The following IGF2R variants were observed in gnomAD, a reference collection of about 807,000 sequenced individuals.
IGF2R encodes cation-independent mannose-6-phosphate receptor.
In IGF2R, 91 loss-of-function variants were observed where a neutral mutation model predicts 270.6. That is an observed-to-expected ratio of 0.34 (90% confidence interval 0.28 to 0.40). The LOEUF is 0.40. Ranked by LOEUF, IGF2R falls within the 10% of genes least tolerant of loss-of-function variation. The pLI is 1.00. For missense variants in IGF2R, 2,805 were observed against 3,188.3 expected (o/e 0.88, Z 2.90); for synonymous variants, 1,316 against 1,258.9 (o/e 1.05, Z -0.96).
chr6:160,047,970 T>A, intron 17 of IGF2R, 63 bp downstream of exon 17: 2 of 1,071,454 alleles, frequency 1.9e-6, no homozygotes, highest in Non-Finnish European at 2.9e-6. Context: ...CAAGTGTTGC[T>A]GGTGAGCGTG....
At chr6:160,086,954 A>G (rs1256840961) in intron 41 of IGF2R, among the ~76,000 whole-genome samples, 1 of 151,668 alleles carries the variant, frequency 6.6e-6, no homozygotes, top group Admixed American at 6.6e-5. Context: ...TCATCTGTCC[A>G]TGCAGCCAGG....
intron 45 of IGF2R, among the ~76,000 whole-genome samples, chr6:160,097,238 A>G (rs1264123977): frequency 6.6e-6 from 1 of 152,222 alleles, no homozygotes; most frequent in Non-Finnish European, 1.5e-5. Context: ...GCCGTTTTAT[A>G]CTTTGCCACG....
intron 2 of IGF2R, among the ~76,000 whole-genome samples, chr6:159,991,570 T>C (rs929648702): frequency 2.1e-4 from 32 of 152,198 alleles, no homozygotes; most frequent in Non-Finnish European, 7.3e-5. Flanking sequence ...TATGAAGAAT[T>C]ATGTAGATGT....
At chr6:160,064,580 G>T (rs781509630) in intron 28 of IGF2R, 49 bp downstream of exon 28, 3 of 1,599,316 alleles carry the variant, frequency 1.9e-6, no homozygotes, top group Non-Finnish European at 2.6e-6. Context: ...CCACCCTCAG[G>T]CTGCTGGGAT....
intron 1 of IGF2R, among the ~76,000 whole-genome samples, chr6:159,982,212 C>T (rs929704510): frequency 2.0e-5 from 3 of 152,182 alleles, no homozygotes; most frequent in African/African-American, 4.8e-5. Context: ...AACCCTGCCT[C>T]CTTGCTCCTC....
At chr6:159,983,992 A>G (rs932870307) in intron 1 of IGF2R, among the ~76,000 whole-genome samples, 3 of 152,214 alleles carry the variant, frequency 2.0e-5, no homozygotes, top group Non-Finnish European at 4.4e-5. Flanking sequence ...GGGAGTATAG[A>G]GTAGCAGAAG....
chr6:160,078,094 G>C (rs748127698), intron 36 of IGF2R, 107 bp from the exon 37 acceptor site: 211 of 1,092,850 alleles, frequency 1.9e-4, no homozygotes, highest in Non-Finnish European at 2.6e-4. Context: ...CCTTCCCTCT[G>C]AGAGGCCGCT....
intron 19 of IGF2R, among the ~76,000 whole-genome samples, 166 bp from the exon 20 acceptor site, chr6:160,056,258 A>G (rs1439215619): frequency 6.6e-6 from 1 of 152,240 alleles, no homozygotes; most frequent in Non-Finnish European, 1.5e-5. Flanking sequence ...GAATGAGAAC[A>G]TTAAATTCTA....
rs1438696654 is a variant in IGF2R at position 160,111,076 on chromosome 6, A to C, written c.*5992A>C. 6.6e-6 allele frequency: 1 copy of C among 152,192 alleles called. No homozygotes were observed. The highest frequency in any genetic ancestry group is 6.5e-5 in the Admixed American group (1 of 15,286). The allele number at this position is 152,192 out of a possible 1,614,324, so 9.4% of individuals were successfully genotyped here. On this transcript the variant is annotated 3_prime_UTR_variant, in exon 48 of 48. Coordinates refer to ENST00000356956, the MANE Select transcript of IGF2R (RefSeq NM_000876.4). ...ATCTTGTGTTCTTTCCCCTCTCCAAATAAAAGGAAATTATTTGAGGTGATG... is the reference window on the plus strand; with the variant it reads ...ATCTTGTGTTCTTTCCCCTCTCCAACTAAAAGGAAATTATTTGAGGTGATG...
chr6:160,061,708 G>GTCA, intron 24 of IGF2R, 45 bp from the exon 25 acceptor site: 1 of 1,613,512 alleles, frequency 6.2e-7, no homozygotes, highest in Non-Finnish European at 8.5e-7. Flanking sequence ...TTGACTCAAG[G>GTCA]TCATCGCCTT....
intron 44 of IGF2R, chr6:160,093,765 GACT>G: frequency 1.3e-6 from 1 of 750,552 alleles, no homozygotes; most frequent in South Asian, 1.4e-5. Context: ...TTTGCTTTTC[GACT>G]ATATGATTTG....
At chr6:159,972,089 G>C (rs1783617486) in intron 1 of IGF2R, among the ~76,000 whole-genome samples, 1 of 152,184 alleles carries the variant, frequency 6.6e-6, no homozygotes, top group Non-Finnish European at 1.5e-5. Context: ...GTAGCATGTA[G>C]TTGAGGAATA....
chr6:159,992,767 T>C (rs1783998948), intron 2 of IGF2R, among the ~76,000 whole-genome samples: 1 of 152,154 alleles, frequency 6.6e-6, no homozygotes, highest in African/African-American at 2.4e-5. Flanking sequence ...TTCCTTCAAG[T>C]ATATATTCAG....
At chr6:160,059,185 GCA>G (rs1778378435) in intron 22 of IGF2R, 87 bp downstream of exon 22, 1 of 1,109,378 alleles carries the variant, frequency 9.0e-7, no homozygotes, top group African/African-American at 1.6e-5. Flanking sequence ...TGTAGGATGT[GCA>G]CATCCCCCGC....
rs1441046640 is a variant in IGF2R at position 160,111,235 on chromosome 6, C to CA, written c.*6151_*6152insA. On this transcript the variant is annotated 3_prime_UTR_variant, in exon 48 of 48. Coordinates refer to ENST00000356956, the MANE Select transcript of IGF2R (RefSeq NM_000876.4). Reference sequence around the variant, plus strand: ...TGAACTCTGTGGGTCCACTTACATGCGGTTTTTTTTTTCTGTAAAAGTTAC... The same window carrying CA: ...TGAACTCTGTGGGTCCACTTACATGCAGGTTTTTTTTTTCTGTAAAAGTTAC... The CA allele has an allele frequency of 4.1e-5, 6 of 147,934 alleles. No individual in the cohort carries two copies. The highest frequency in any genetic ancestry group is 1.5e-4 in the African/African-American group (6 of 40,264). The allele number at this position is 147,934 out of a possible 1,614,324, so 9.2% of individuals were successfully genotyped here.
chr6:160,055,182 A>G (rs1778285037), intron 19 of IGF2R, among the ~76,000 whole-genome samples: 1 of 152,048 alleles, frequency 6.6e-6, no homozygotes, highest in African/African-American at 2.4e-5. Flanking sequence ...TTGGTGTTCC[A>G]CGGGGAGATG....
rs889543538 is a variant in IGF2R at position 160,108,250 on chromosome 6, A to G, written c.*3166A>G. Reference sequence around the variant, plus strand: ...CAGTTCTGGACATTGTTCTGTGAGAATGGGGTCAACGGGCAGTCGTGGTGC... The same window carrying G: ...CAGTTCTGGACATTGTTCTGTGAGAGTGGGGTCAACGGGCAGTCGTGGTGC... On this transcript the variant is annotated 3_prime_UTR_variant, in exon 48 of 48. Transcript: ENST00000356956. 1.3e-5 allele frequency: 2 copies of G among 152,380 alleles called. No homozygotes were observed. Among genetic ancestry groups the G allele is most frequent in the Admixed American group, 6.5e-5 (1 of 15,278 alleles). The allele number at this position is 152,380 out of a possible 1,614,324, so 9.4% of individuals were successfully genotyped here.
At chr6:160,033,942 CAA>C (rs1036042715) in intron 9 of IGF2R, among the ~76,000 whole-genome samples, 2 of 152,170 alleles carry the variant, frequency 1.3e-5, no homozygotes, top group African/African-American at 4.8e-5. Flanking sequence ...CAGAAAACTG[CAA>C]AAACCCCAGA....
chr6:160,040,871 T>C, intron 11 of IGF2R, 147 bp downstream of exon 11: 1 of 760,990 alleles, frequency 1.3e-6, no homozygotes, highest in Non-Finnish European at 2.1e-6. Context: ...CTGTGTGAAT[T>C]ATTAGAAGGA....
Sources: gnomAD v4.1 joint callset for allele counts (sites outside exome capture counted in the v4.1 genomes callset) on GRCh38, gnomAD v4.1.1 for gene constraint, MANE v1.5 for transcripts, NCBI Gene and HGNC (gene_info 2026-07-23, HGNC 2026-07-21) for gene names.